Variants in ZNF148 observed in about 807,000 individuals in gnomAD.
ZNF148 encodes the protein zinc finger protein 148.
A neutral mutation model predicts 67.7 loss-of-function variants in ZNF148; 7 were observed. The observed-to-expected ratio is 0.10, with a 90% CI of 0.06 to 0.19. The LOEUF is 0.19. Among genes scored for constraint, ZNF148 ranks in the 10% least tolerant of loss-of-function variants. The probability of loss-of-function intolerance (pLI) is 1.00; values close to 1 mark genes in which losing one functional copy is unlikely to be tolerated. For missense variants in ZNF148, 583 were observed against 947.1 expected (o/e 0.62, Z 5.05); for synonymous variants, 333 against 330.7 (o/e 1.01, Z -0.08).
chr3:125,337,199 C>G (rs1030967789), intron 1 of ZNF148, among the ~76,000 whole-genome samples: 1 of 152,076 alleles, frequency 6.6e-6, no homozygotes, highest in African/African-American at 2.4e-5. Context: ...CTTTTCAAAT[C>G]AACTACCCAA....
chr3:125,371,090 C>T (rs906070904), intron 1 of ZNF148, among the ~76,000 whole-genome samples: 25 of 152,068 alleles, frequency 1.6e-4, no homozygotes, highest in African/African-American at 5.6e-4. Context: ...CGGTGGCTCA[C>T]GCCTGTAATC....
intron 7 of ZNF148, among the ~76,000 whole-genome samples, chr3:125,246,838 A>G (rs1403536446): frequency 1.3e-5 from 2 of 152,238 alleles, no homozygotes; most frequent in African/African-American, 4.8e-5. Flanking sequence ...AAATCCATGG[A>G]CTAATAACTA....
chr3:125,272,233 G>C (rs1937784100), intron 7 of ZNF148, among the ~76,000 whole-genome samples: 1 of 152,148 alleles, frequency 6.6e-6, no homozygotes, highest in Non-Finnish European at 1.5e-5. Flanking sequence ...CCATTGTGTT[G>C]GAAATCTGAC....
chr3:125,306,757 A>T (rs1360793474), intron 4 of ZNF148, among the ~76,000 whole-genome samples: 2 of 151,986 alleles, frequency 1.3e-5, no homozygotes, highest in Non-Finnish European at 2.9e-5. Flanking sequence ...CTACTTGGGA[A>T]GCTGAGGTGG....
At chr3:125,359,594 G>C (rs1374565814) in intron 1 of ZNF148, among the ~76,000 whole-genome samples, 1 of 152,030 alleles carries the variant, frequency 6.6e-6, no homozygotes, top group African/African-American at 2.4e-5. Context: ...CATTTTACCC[G>C]AATCTCTTTA....
At chr3:125,359,700 T>C (rs1410457009) in intron 1 of ZNF148, among the ~76,000 whole-genome samples, 1 of 152,214 alleles carries the variant, frequency 6.6e-6, no homozygotes, top group Admixed American at 6.5e-5. Flanking sequence ...ACTGACAATA[T>C]TTTTTTAAAA....
intron 5 of ZNF148, among the ~76,000 whole-genome samples, chr3:125,280,973 T>G (rs2107612017): frequency 6.6e-6 from 1 of 152,268 alleles, no homozygotes; most frequent in South Asian, 2.1e-4. Context: ...CACACAGCTA[T>G]GACCCCTTCT....
chr3:125,330,531 G>T (rs1941245030), intron 2 of ZNF148, among the ~76,000 whole-genome samples: 1 of 144,116 alleles, frequency 6.9e-6, no homozygotes, highest in Non-Finnish European at 1.5e-5. Flanking sequence ...AGAAATTTTA[G>T]AATTTTTATG....
chr3:125,234,288 T>A lies in ZNF148; in HGVS notation c.709A>T (p.Ile237Leu). The A allele has an allele frequency of 6.2e-7, 1 of 1,611,540 alleles. No individual in the cohort carries two copies. The highest frequency in any genetic ancestry group is 8.5e-7 in the Non-Finnish European group (1 of 1,178,564). The change falls in exon 8 of 9, where the codon ATA (isoleucine) becomes TTA (leucine). Residue 237 changes from isoleucine (I) to leucine (L), a missense_variant. Physicochemically the swap from Ile to Leu is conservative, Grantham distance 5. Coordinates refer to ENST00000360647, the MANE Select transcript of ZNF148 (RefSeq NM_021964.3). ...TGCCTTTCCATATGATATTTTTGTA[T>A]GAATCTCATACCACATTCATCACAG... is the stretch of plus-strand genomic sequence containing the variant. ...FRCDECGMRF[I>L]QKYHMERHKR...
At chr3:125,306,152 T>TGGG (rs1939864774) in intron 4 of ZNF148, among the ~76,000 whole-genome samples, 1 of 152,098 alleles carries the variant, frequency 6.6e-6, no homozygotes, top group East Asian at 1.9e-4. Context: ...AAAAAATATA[T>TGGG]CAAAAGCTAT....
chr3:125,276,165 T>C (rs1335651844), intron 7 of ZNF148, among the ~76,000 whole-genome samples: 1 of 152,154 alleles, frequency 6.6e-6, no homozygotes, highest in Non-Finnish European at 1.5e-5. Flanking sequence ...TATTAGGTAT[T>C]AAGAACACAC....
intron 4 of ZNF148, among the ~76,000 whole-genome samples, chr3:125,304,236 TC>T (rs1361673865): frequency 6.6e-6 from 1 of 152,038 alleles, no homozygotes; most frequent in African/African-American, 2.4e-5. Flanking sequence ...GAGGTGGTTC[TC>T]CATATAGAGG....
rs66600598 is a variant in ZNF148, at chr3:125,317,660, T to TAGAGAGAGAGAGAGAGAGAGAGAG, written c.-16-4005_-16-4004insCTCTCTCTCTCTCTCTCTCTCTCT. Among the ~76,000 whole-genome samples the TAGAGAGAGAGAGAGAGAGAGAGAG allele has an allele frequency of 8.3e-3, 513 of 62,028 alleles. 7 individuals are homozygous for TAGAGAGAGAGAGAGAGAGAGAGAG. Among genetic ancestry groups the TAGAGAGAGAGAGAGAGAGAGAGAG allele is most frequent in the African/African-American group, 0.014 (214 of 15,274 alleles). The allele number at this position is 62,028 out of a possible 152,430, so 40.7% of individuals were successfully genotyped here. Reference sequence around the variant, plus strand: ...AAGATCTTTTATATATATATATATATATAGAGAGAGAGAGAGAGAAATACA... The same window carrying TAGAGAGAGAGAGAGAGAGAGAGAG: ...AAGATCTTTTATATATATATATATATAGAGAGAGAGAGAGAGAGAGAGAGATAGAGAGAGAGAGAGAGAAATACA... On this transcript the variant is annotated intron_variant, in intron 3 of 8. Transcript: ENST00000360647.
intron 7 of ZNF148, among the ~76,000 whole-genome samples, chr3:125,263,827 C>T (rs1325334061): frequency 6.6e-6 from 1 of 152,028 alleles, no homozygotes; most frequent in East Asian, 1.9e-4. Context: ...TTTCTGGGAC[C>T]CTAGATAGCT....
intron 3 of ZNF148, among the ~76,000 whole-genome samples, chr3:125,322,175 G>T (rs1334135171): frequency 2.6e-5 from 4 of 151,600 alleles, no homozygotes; most frequent in Non-Finnish European, 5.9e-5. Flanking sequence ...GACTACAGGG[G>T]CCCACCACCT....
intron 1 of ZNF148, among the ~76,000 whole-genome samples, chr3:125,371,378 G>T (rs1336126689): frequency 2.3e-5 from 3 of 128,232 alleles, no homozygotes; most frequent in Admixed American, 8.0e-5. Flanking sequence ...AAAAAGGGGG[G>T]GGGGGGGGCA....
At chr3:125,310,259 T>C (rs1940128138) in intron 4 of ZNF148, among the ~76,000 whole-genome samples, 1 of 151,962 alleles carries the variant, frequency 6.6e-6, no homozygotes, top group Non-Finnish European at 1.5e-5. Context: ...TTTGTATTTT[T>C]AGTAGAGATG....
chr3:125,257,648 C>T (rs1277053644), intron 7 of ZNF148, among the ~76,000 whole-genome samples: 3 of 151,010 alleles, frequency 2.0e-5, no homozygotes, highest in African/African-American at 2.4e-5. Context: ...TTATTTGTGG[C>T]AAATCCACAA....
chr3:125,366,633 A>C (rs961983352), intron 1 of ZNF148, among the ~76,000 whole-genome samples: 1 of 152,192 alleles, frequency 6.6e-6, no homozygotes, highest in Non-Finnish European at 1.5e-5. Flanking sequence ...TGTTTTACCC[A>C]CACACAAACA....
Sources: gnomAD v4.1 joint callset for allele counts (sites outside exome capture counted in the v4.1 genomes callset) on GRCh38, gnomAD v4.1.1 for gene constraint, MANE v1.5 for transcripts, NCBI Gene and HGNC (gene_info 2026-07-23, HGNC 2026-07-21) for gene names.